EHBP1: variants seen among roughly 807,000 people sequenced by gnomAD.
EHBP1 encodes the protein EH domain-binding protein 1.
Under a neutral mutation model 144.0 loss-of-function variants are expected in EHBP1, and 55 were observed. The observed-to-expected ratio is 0.38, with a 90% confidence interval of 0.31 to 0.48. EHBP1 has a LOEUF of 0.48. Among genes scored for constraint, EHBP1 ranks in the 20% least tolerant of loss-of-function variants. The probability of loss-of-function intolerance (pLI) is 0.98; values close to 1 mark genes in which losing one functional copy is unlikely to be tolerated. For synonymous variants in EHBP1, 469 were observed against 472.7 expected, an observed-to-expected ratio of 0.99 and a Z score of 0.10; for missense variants, 1,200 against 1,364.2, an observed-to-expected ratio of 0.88 and a Z score of 1.90.
chr2:62,719,549 G>A (rs1477203793), intron 2 of EHBP1, among the ~76,000 whole-genome samples: 1 of 152,212 alleles, frequency 6.6e-6, no homozygotes, highest in Non-Finnish European at 1.5e-5. Flanking sequence ...AGCAGCATCT[G>A]TTGGAAACCA....
chr2:62,820,158 A>G (rs2045798633), intron 5 of EHBP1, among the ~76,000 whole-genome samples: 1 of 150,800 alleles, frequency 6.6e-6, no homozygotes, highest in South Asian at 2.1e-4. Context: ...TTGCAGTGAA[A>G]TGAGATCGTG....
chr2:62,846,667 C>A (rs1167558257), intron 7 of EHBP1, among the ~76,000 whole-genome samples: 3 of 152,014 alleles, frequency 2.0e-5, no homozygotes, highest in East Asian at 1.9e-4. Flanking sequence ...ATAGAAAAAT[C>A]TACTGTATTT....
At chr2:62,950,208 TG>T (rs1324409040) in intron 13 of EHBP1, among the ~76,000 whole-genome samples, 2 of 152,144 alleles carry the variant, frequency 1.3e-5, no homozygotes, top group Non-Finnish European at 2.9e-5. Context: ...AAGCCAGATT[TG>T]GGGGCCTCTG....
chr2:62,862,730 A>C (rs989052058), intron 8 of EHBP1, among the ~76,000 whole-genome samples: 1 of 152,244 alleles, frequency 6.6e-6, no homozygotes, highest in African/African-American at 2.4e-5. Flanking sequence ...TTCAATAATC[A>C]ATTTCCTGCC....
At chr2:62,914,019 A>G (rs1441256909) in intron 10 of EHBP1, among the ~76,000 whole-genome samples, 1 of 152,172 alleles carries the variant, frequency 6.6e-6, no homozygotes, top group East Asian at 1.9e-4. Context: ...TAATGAGGTA[A>G]TTTGGGTCAT....
chr2:62,970,340 C>T (rs978811944), intron 14 of EHBP1, among the ~76,000 whole-genome samples: 1 of 151,950 alleles, frequency 6.6e-6, no homozygotes, highest in Non-Finnish European at 1.5e-5. Flanking sequence ...CTGTATGAAA[C>T]ACCGAAGACA....
At chr2:62,830,624 T>C (rs1284321780) in intron 6 of EHBP1, among the ~76,000 whole-genome samples, 5 of 152,234 alleles carry the variant, frequency 3.3e-5, no homozygotes, top group African/African-American at 1.2e-4. Flanking sequence ...ATGATTTCTT[T>C]TGCTGTGCAG....
intron 7 of EHBP1, among the ~76,000 whole-genome samples, chr2:62,841,789 G>A (rs1026411384): frequency 1.3e-5 from 2 of 149,096 alleles, no homozygotes; most frequent in Non-Finnish European, 3.0e-5. Context: ...TTGGTTATTT[G>A]GCTATCTGGA....
intron 5 of EHBP1, among the ~76,000 whole-genome samples, chr2:62,772,612 A>T (rs1360015300): frequency 6.6e-6 from 1 of 152,254 alleles, no homozygotes; most frequent in African/African-American, 2.4e-5. Flanking sequence ...TCTTCTACTT[A>T]CAAGCTCTGT....
chr2:62,983,353 G>C (rs1574351424), intron 15 of EHBP1, among the ~76,000 whole-genome samples: 1 of 151,814 alleles, frequency 6.6e-6, no homozygotes, highest in African/African-American at 2.4e-5. Context: ...AATGGTCTAT[G>C]GATACATTTG....
chr2:62,997,785 A>G (rs945787400), intron 19 of EHBP1, among the ~76,000 whole-genome samples: 2 of 152,168 alleles, frequency 1.3e-5, no homozygotes, highest in South Asian at 2.1e-4. Flanking sequence ...ATCAGAGCAT[A>G]TTAGAACAGG....
intron 3 of EHBP1, among the ~76,000 whole-genome samples, chr2:62,747,944 A>G (rs1181473122): frequency 6.6e-6 from 1 of 152,024 alleles, no homozygotes; most frequent in African/African-American, 2.4e-5. Context: ...GAAGGCCCTC[A>G]CCAGATGCCG....
At chr2:62,951,227 A>G (rs1200050364) in intron 13 of EHBP1, among the ~76,000 whole-genome samples, 3 of 152,210 alleles carry the variant, frequency 2.0e-5, no homozygotes. Flanking sequence ...GTAGACAACC[A>G]TGTCTTAACT....
intron 19 of EHBP1, among the ~76,000 whole-genome samples, chr2:63,021,903 A>T (rs2060769382): frequency 6.6e-6 from 1 of 151,806 alleles, no homozygotes; most frequent in Admixed American, 6.6e-5. Context: ...AGTAGTTGGG[A>T]TTACAGGCAC....
At chr2:62,909,191 C>T (rs538122663) in intron 10 of EHBP1, among the ~76,000 whole-genome samples, 2 of 152,094 alleles carry the variant, frequency 1.3e-5, no homozygotes, top group African/African-American at 4.8e-5. Flanking sequence ...GCCTTCCCCC[C>T]ACCCCGAGAC....
chr2:63,043,194 C>A (rs2061748179), intron 21 of EHBP1, among the ~76,000 whole-genome samples: 1 of 152,110 alleles, frequency 6.6e-6, no homozygotes, highest in South Asian at 2.1e-4. Flanking sequence ...GATTTAAGAA[C>A]AAGAACCAGA....
At chr2:62,749,499 C>T (rs1360369107) in intron 3 of EHBP1, among the ~76,000 whole-genome samples, 1 of 152,104 alleles carries the variant, frequency 6.6e-6, no homozygotes, top group South Asian at 2.1e-4. Flanking sequence ...GGGTATATAC[C>T]CAGTAATGGG....
chr2:62,742,885 GTATT>G (rs970335041), intron 2 of EHBP1, among the ~76,000 whole-genome samples: 7 of 152,006 alleles, frequency 4.6e-5, no homozygotes, highest in African/African-American at 7.2e-5. Flanking sequence ...TGATTTGTAT[GTATT>G]TATTTATTCT....
intron 5 of EHBP1, among the ~76,000 whole-genome samples, chr2:62,792,714 T>C (rs2043243183): frequency 6.6e-6 from 1 of 152,096 alleles, no homozygotes; most frequent in African/African-American, 2.4e-5. Context: ...CCCAGCAAGA[T>C]GCTATGTGTT....
Sources: allele counts gnomAD v4.1 joint callset (sites outside exome capture counted in the v4.1 genomes callset), GRCh38; gene constraint gnomAD v4.1.1; transcripts MANE v1.5; gene names NCBI Gene and HGNC (gene_info 2026-07-23, HGNC 2026-07-21).